Variants in PGBD5 observed in about 807,000 individuals in gnomAD.
PGBD5 encodes the protein piggyBac transposable element derived 5.
A neutral mutation model predicts 47.9 loss-of-function variants in PGBD5; 14 were observed. The ratio of observed to expected loss-of-function variants is 0.29; its 90% CI spans 0.19 to 0.46. The LOEUF (loss-of-function observed/expected upper bound fraction) is 0.46. Ranked by LOEUF, PGBD5 falls within the 20% of genes least tolerant of loss-of-function variation. The probability of loss-of-function intolerance (pLI) is 1.00; values close to 1 mark genes in which losing one functional copy is unlikely to be tolerated. For synonymous variants in PGBD5, 316 were observed against 306.3 expected, an observed-to-expected ratio of 1.03 and a Z score of -0.33; for missense variants, 635 against 716.0, an observed-to-expected ratio of 0.89 and a Z score of 1.29.
intron 1 of PGBD5, among the ~76,000 whole-genome samples, chr1:230,418,499 G>A (rs1657575074): frequency 6.6e-6 from 1 of 152,108 alleles, no homozygotes; most frequent in South Asian, 2.1e-4. Context: ...TGCTAAGAAT[G>A]TTTTTCTTTT....
In PGBD5 at chr1:230,351,031, T is replaced by G; in HGVS notation, c.821A>C (p.Glu274Ala). The change falls in exon 3 of 7, where the codon GAG (glutamate) becomes GCG (alanine). Residue 274 changes from glutamate (E) to alanine (A), a missense_variant. Glu to Ala is a moderately radical substitution (Grantham distance 107). Transcript: ENST00000391860. ...PVFIATCTER[E>A]LRKRKKRKFS... is the part of the protein sequence containing the mutation. ...TTTCCGCTTTTTCCTCTTTCGCAGC[T>G]CCCGCTCTGTGCACGTGGCAATGAA... 1 of 1,614,018 alleles carries G rather than the reference T, an allele frequency of 6.2e-7. No individual in the cohort carries two copies.
At chr1:230,397,777 A>G (rs1049682051) in intron 1 of PGBD5, among the ~76,000 whole-genome samples, 1 of 152,232 alleles carries the variant, frequency 6.6e-6, no homozygotes, top group Non-Finnish European at 1.5e-5. Context: ...GCAGGCTCAG[A>G]GCTTCTGAAT....
chr1:230,376,051 A>T (rs1362689514), intron 1 of PGBD5, among the ~76,000 whole-genome samples: 3 of 151,826 alleles, frequency 2.0e-5, no homozygotes, highest in African/African-American at 7.3e-5. Context: ...TGTTATTTTC[A>T]TGGTCATCCC....
At chr1:230,395,905 TCCCCTC>T (rs1656941049) in intron 1 of PGBD5, among the ~76,000 whole-genome samples, 1 of 17,374 alleles carries the variant, frequency 5.8e-5, no homozygotes, top group Non-Finnish European at 9.1e-5. Flanking sequence ...CCCACCCTCC[TCCCCTC>T]CTCACGCTCC....
intron 5 of PGBD5, among the ~76,000 whole-genome samples, chr1:230,329,434 A>G (rs951467258): frequency 1.3e-5 from 2 of 152,240 alleles, no homozygotes; most frequent in Non-Finnish European, 2.9e-5. Flanking sequence ...CAGAGTATAT[A>G]TGGTCATAGT....
At position 230,352,887 on chromosome 1, in the gene PGBD5, C is replaced by T. The variant is rs191596362; in HGVS notation, c.760-1795G>A. 2.9e-3 allele frequency among the ~76,000 whole-genome samples: 444 copies of T among 152,222 alleles called. 2 individuals are homozygous for T. The highest frequency in any genetic ancestry group is 4.8e-3 in the Non-Finnish European group (329 of 68,010). On this transcript the variant is annotated intron_variant, in intron 2 of 6. Coordinates refer to ENST00000391860, the MANE Select transcript of PGBD5 (RefSeq NM_001258311.2). Reference sequence around the variant, plus strand: ...CCTTTCCCTGCCCAATGATCCTTGCCGAAGACGTGCATCCTACTCTGTCCT... The same window carrying T: ...CCTTTCCCTGCCCAATGATCCTTGCTGAAGACGTGCATCCTACTCTGTCCT...
Position 230,315,630 on chromosome 1 carries a change from C to G in PGBD5, c.*7795G>C, listed in dbSNP as rs1428481950. ...GACATGTGGTTTGATTGCTAAGGAC[C>G]TAGCAGAGGCTCATCATGTGGTAGA... On this transcript the variant is annotated 3_prime_UTR_variant, in exon 7 of 7. Coordinates refer to ENST00000391860, the MANE Select transcript of PGBD5 (RefSeq NM_001258311.2). 1 of 151,750 alleles carries G rather than the reference C, an allele frequency of 6.6e-6. No homozygotes were observed. The highest frequency in any genetic ancestry group is 6.6e-5 in the Admixed American group (1 of 15,238). 9.4% of individuals were successfully genotyped at this position (151,750 alleles called of 1,614,324 possible).
At position 230,357,371 on chromosome 1, in the gene PGBD5, T is replaced by A; in HGVS notation, c.332-50A>T. The A allele has an allele frequency of 6.4e-7, 1 of 1,572,100 alleles. No homozygotes were observed. Among genetic ancestry groups the A allele is most frequent in the South Asian group, 1.2e-5 (1 of 85,550 alleles). On this transcript the variant is annotated intron_variant, in intron 1 of 6. Transcript: ENST00000391860. The surrounding 1 kb of genome is among the most constrained non-coding windows in gnomAD (Gnocchi z 5.7). ...GTTCCTTAGGACGGCCGCCACACCC[T>A]GACTCGACACGAGAACGGCTGCATT...
chr1:230,331,461 GC>G (rs1173566009), intron 5 of PGBD5, among the ~76,000 whole-genome samples: 17 of 152,094 alleles, frequency 1.1e-4, no homozygotes, highest in Admixed American at 5.9e-4. Context: ...AGCAGTTCCT[GC>G]CCCTGACTCT....
At chr1:230,335,828 C>CACGCAG (rs1667312291) in intron 4 of PGBD5, among the ~76,000 whole-genome samples, 1 of 147,174 alleles carries the variant, frequency 6.8e-6, no homozygotes, top group Admixed American at 6.8e-5. Context: ...CTGACACAGA[C>CACGCAG]ATACACATAC....
chr1:230,331,411 G>C (rs114577147), intron 5 of PGBD5, among the ~76,000 whole-genome samples: 1,890 of 152,136 alleles, frequency 0.012, 45 homozygotes, highest in African/African-American at 0.042. Context: ...GCAACACCCT[G>C]TCCCAAAAAT....
At position 230,317,902 on chromosome 1, in the gene PGBD5, C is replaced by T. The variant is rs574031079; in HGVS notation, c.*5523G>A. 1.8e-4 allele frequency: 27 copies of T among 152,330 alleles called. No individual in the cohort carries two copies. Among genetic ancestry groups the T allele is most frequent in the African/African-American group, 2.6e-4 (11 of 41,554 alleles). The allele number at this position is 152,330 out of a possible 1,614,324, so 9.4% of individuals were successfully genotyped here. A position where few individuals can be genotyped will look rare whatever the true frequency, so the allele number is the denominator to read the frequency against. ...ACATGGAGCGCACAATCAAGTCTCC[C>T]GCAGGAGTCTCCTCATTACGACCGT... On this transcript the variant is annotated 3_prime_UTR_variant, in exon 7 of 7. Transcript: ENST00000391860.
chr1:230,338,241 A>G (rs968801500), intron 3 of PGBD5, among the ~76,000 whole-genome samples: 1 of 152,250 alleles, frequency 6.6e-6, no homozygotes, highest in African/African-American at 2.4e-5. Flanking sequence ...AGTGGCTTCA[A>G]CAGCATCCGT....
chr1:230,410,493 T>G (rs1657388077), intron 1 of PGBD5, among the ~76,000 whole-genome samples: 1 of 152,208 alleles, frequency 6.6e-6, no homozygotes, highest in Non-Finnish European at 1.5e-5. Context: ...GATACTTCGT[T>G]GATCACAATC....
In PGBD5 at chr1:230,317,291, T is replaced by C. The variant is rs1018715649; in HGVS notation, c.*6134A>G. 5 of 152,296 alleles carry C rather than the reference T, an allele frequency of 3.3e-5. No individual in the cohort carries two copies. Among genetic ancestry groups the C allele is most frequent in the Non-Finnish European group, 5.9e-5 (4 of 68,142 alleles). 9.4% of individuals were successfully genotyped at this position (152,296 alleles called of 1,614,324 possible). A position where few individuals can be genotyped will look rare whatever the true frequency, so the allele number is the denominator to read the frequency against. On this transcript the variant is annotated 3_prime_UTR_variant, in exon 7 of 7. Transcript: ENST00000391860. The stretch of plus-strand genomic sequence containing the variant: ...GCAGTGGCTGAGAACCAGGAAGCCC[T>C]GGAGCAGACAGAGTGAGGGTCAACC...
At chr1:230,386,989 A>C (rs1656657488) in intron 1 of PGBD5, among the ~76,000 whole-genome samples, 1 of 152,188 alleles carries the variant, frequency 6.6e-6, no homozygotes, top group Admixed American at 6.5e-5. Context: ...CTCCAAACTG[A>C]GATGATGTGT....
intron 1 of PGBD5, among the ~76,000 whole-genome samples, chr1:230,394,290 C>T (rs907456067): frequency 1.3e-5 from 2 of 151,752 alleles, no homozygotes; most frequent in Non-Finnish European, 2.9e-5. Context: ...CCACAGGGAC[C>T]AACTCTGACT....
At chr1:230,424,997 G>C (rs1234131878) in intron 1 of PGBD5, among the ~76,000 whole-genome samples, 1 of 152,090 alleles carries the variant, frequency 6.6e-6, no homozygotes, top group Non-Finnish European at 1.5e-5. Flanking sequence ...CTGCCCAATC[G>C]GTCCCTTCCT....
intron 5 of PGBD5, among the ~76,000 whole-genome samples, chr1:230,330,520 C>T (rs937789886): frequency 2.0e-5 from 3 of 152,080 alleles, no homozygotes; most frequent in East Asian, 1.9e-4. Context: ...GTACAGAAGA[C>T]GATCTCTCTT....
Sources: allele counts gnomAD v4.1 joint callset (sites outside exome capture counted in the v4.1 genomes callset), GRCh38; gene constraint gnomAD v4.1.1; non-coding constraint Gnocchi (gnomAD v3.1); transcripts MANE v1.5; gene names NCBI Gene and HGNC (gene_info 2026-07-23, HGNC 2026-07-21).